The following GSTO2 variants were observed in gnomAD, a reference collection of about 807,000 sequenced individuals.
The protein encoded by GSTO2 is glutathione S-transferase omega 2.
In GSTO2, 23 loss-of-function variants were observed where a neutral mutation model predicts 28.4. That is an observed-to-expected ratio of 0.81 (90% CI 0.58 to 1.15). GSTO2 has a LOEUF of 1.15. Ranked by LOEUF, GSTO2 falls within the 50% of genes most tolerant of loss-of-function variation. The pLI, the probability that GSTO2 is intolerant of heterozygous loss-of-function variation, is 0.00. For synonymous variants in GSTO2, 109 were observed against 111.0 expected (o/e 0.98, Z 0.11); for missense variants, 298 against 297.8 (o/e 1.00, Z 0.00).
chr10:104,297,318 C>T (rs966608683), intron 5 of GSTO2: 4 of 315,874 alleles, frequency 1.3e-5, no homozygotes, highest in Non-Finnish European at 2.5e-5. Context: ...GGTTGTTCTT[C>T]CAGTTTCTTC....
chr10:104,290,227 C>T (rs555413066), intron 5 of GSTO2, among the ~76,000 whole-genome samples: 38 of 152,088 alleles, frequency 2.5e-4, no homozygotes, highest in Non-Finnish European at 4.9e-4. Flanking sequence ...TGATACAGGC[C>T]GGGTGTGGTG....
intron 6 of GSTO2, among the ~76,000 whole-genome samples, chr10:104,298,624 T>C (rs17116834): frequency 0.039 from 5,953 of 152,298 alleles, 417 homozygotes; most frequent in African/African-American, 0.14. Context: ...ATATCCTGGT[T>C]GAGCTTTGAA....
chr10:104,277,367 T>C (rs1311866677), intron 3 of GSTO2, among the ~76,000 whole-genome samples: 2 of 151,698 alleles, frequency 1.3e-5, no homozygotes, highest in African/African-American at 4.9e-5. Context: ...CACTGCAACC[T>C]CCACCTCCCG....
At position 104,299,549 on chromosome 10, in the gene GSTO2, C is replaced by T. The variant is rs541027172; in HGVS notation, c.*265C>T. ...CTGGAGTGCAGTGGGACAGTCGGCT[C>T]ACTGCAGCCTTGAACTCCTGGGCTC... On this transcript the variant is annotated 3_prime_UTR_variant, in exon 7 of 7. Coordinates refer to ENST00000338595, the MANE Select transcript of GSTO2 (RefSeq NM_183239.2). The T allele has an allele frequency of 1.3e-4, 50 of 386,088 alleles. 1 individual carries two copies. Among genetic ancestry groups the T allele is most frequent in the African/African-American group, 9.0e-4 (42 of 46,882 alleles). The allele number at this position is 386,088 out of a possible 1,614,324, so 23.9% of individuals were successfully genotyped here.
Position 104,275,290 on chromosome 10 carries a change from C to CTAT in GSTO2, c.101_103dup (p.Tyr34dup). ...GCATCTACAGCATGAGGTTCTGCCC[C>CTAT]TATTCTCACAGGACCCGCCTCGTCC... On this transcript the variant is annotated inframe_insertion, in exon 3 of 7. Transcript: ENST00000338595. The CTAT allele has an allele frequency of 6.2e-7, 1 of 1,614,068 alleles. No individual in the cohort carries two copies. Among genetic ancestry groups the CTAT allele is most frequent in the African/African-American group, 1.3e-5 (1 of 75,024 alleles).
chr10:104,283,066 A>G (rs2135113287), intron 5 of GSTO2, among the ~76,000 whole-genome samples: 1 of 152,336 alleles, frequency 6.6e-6, no homozygotes, highest in Non-Finnish European at 1.5e-5. Flanking sequence ...GTCAAGGTTA[A>G]TTTTGAGCTA....
chr10:104,281,082 G>C (rs187551177), intron 5 of GSTO2, among the ~76,000 whole-genome samples: 1 of 152,184 alleles, frequency 6.6e-6, no homozygotes, highest in Non-Finnish European at 1.5e-5. Context: ...GTTTTCCCAT[G>C]TGTAAAATGA....
chr10:104,295,981 G>C (rs2012999606), intron 5 of GSTO2: 1 of 152,230 alleles, frequency 6.6e-6, no homozygotes, highest in South Asian at 2.1e-4. Flanking sequence ...TAGCTATAGG[G>C]AAGTATTGAG....
At chr10:104,275,143 G>C in intron 2 of GSTO2, 83 bp from the exon 3 acceptor site, 1 of 1,531,992 alleles carries the variant, frequency 6.5e-7, no homozygotes, top group South Asian at 1.3e-5. Context: ...GCCATCTTGG[G>C]ATCTGGGCAA....
At chr10:104,288,796 G>T (rs189670964) in intron 5 of GSTO2, among the ~76,000 whole-genome samples, 1 of 152,284 alleles carries the variant, frequency 6.6e-6, no homozygotes, top group East Asian at 1.9e-4. Flanking sequence ...GTATAGAAAA[G>T]ATATTTGACT....
At chr10:104,298,597 A>G (rs1379282515) in intron 6 of GSTO2, among the ~76,000 whole-genome samples, 5 of 152,248 alleles carry the variant, frequency 3.3e-5, no homozygotes, top group African/African-American at 9.6e-5. Flanking sequence ...TTATTGCTTT[A>G]TAAACCCCAG....
chr10:104,290,899 G>A (rs908782966), intron 5 of GSTO2, among the ~76,000 whole-genome samples: 1 of 152,154 alleles, frequency 6.6e-6, no homozygotes, highest in Non-Finnish European at 1.5e-5. Context: ...CAGTGTAATT[G>A]GGTTGTTTGT....
intron 1 of GSTO2, among the ~76,000 whole-genome samples, chr10:104,270,305 G>C (rs528624937): frequency 6.6e-6 from 1 of 152,300 alleles, no homozygotes; most frequent in Non-Finnish European, 1.5e-5. Context: ...GAGCCACCGC[G>C]CCCGGCCTGT....
intron 5 of GSTO2, among the ~76,000 whole-genome samples, chr10:104,294,385 C>T (rs776922600): frequency 6.6e-5 from 10 of 152,136 alleles, no homozygotes; most frequent in Non-Finnish European, 1.3e-4. Context: ...CAGGTTTGCA[C>T]AGAAGGGAAC....
rs1253853317 is a variant in GSTO2 at position 104,302,136 on chromosome 10, T to A, written c.*2852T>A. 1 of 152,130 alleles carries A rather than the reference T, an allele frequency of 6.6e-6. No homozygotes were observed. The highest frequency in any genetic ancestry group is 1.5e-5 in the Non-Finnish European group (1 of 68,038). The allele number at this position is 152,130 out of a possible 1,614,324, so 9.4% of individuals were successfully genotyped here. A position where few individuals can be genotyped will look rare whatever the true frequency, so the allele number is the denominator to read the frequency against. On this transcript the variant is annotated 3_prime_UTR_variant, in exon 7 of 7. Coordinates refer to ENST00000338595, the MANE Select transcript of GSTO2 (RefSeq NM_183239.2). ...GAGCCAAAGAGGGAAAAACTCCTTA[T>A]AAAACCATTAGATCTCATGAGAACT...
chr10:104,270,704 G>A (rs557523222), intron 1 of GSTO2, among the ~76,000 whole-genome samples: 49 of 152,264 alleles, frequency 3.2e-4, no homozygotes, highest in African/African-American at 1.2e-3. Flanking sequence ...GGAACACCCA[G>A]TAATATAATC....
intron 5 of GSTO2, among the ~76,000 whole-genome samples, chr10:104,290,497 T>G (rs1056295285): frequency 6.6e-6 from 1 of 150,552 alleles, no homozygotes; most frequent in Non-Finnish European, 1.5e-5. Context: ...AGAGTCACAC[T>G]CTGTCTCAAA....
intron 5 of GSTO2, among the ~76,000 whole-genome samples, chr10:104,292,800 A>C (rs1028573653): frequency 5.3e-5 from 8 of 152,216 alleles, no homozygotes; most frequent in African/African-American, 1.9e-4. Flanking sequence ...AACTCAACAT[A>C]GAATTCTTTA....
At chr10:104,282,007 G>A (rs770300842) in intron 5 of GSTO2, among the ~76,000 whole-genome samples, 8 of 152,068 alleles carry the variant, frequency 5.3e-5, no homozygotes, top group African/African-American at 7.2e-5. Flanking sequence ...GTGGACCAGA[G>A]TCAGATGCTA....
Sources: gnomAD v4.1 joint callset for allele counts (sites outside exome capture counted in the v4.1 genomes callset) on GRCh38, gnomAD v4.1.1 for gene constraint, MANE v1.5 for transcripts, NCBI Gene and HGNC (gene_info 2026-07-23, HGNC 2026-07-21) for gene names.